COL28A1: variants seen among roughly 807,000 people sequenced by gnomAD.
COL28A1 encodes collagen type XXVIII alpha 1 chain.
A neutral mutation model predicts 150.2 loss-of-function variants in COL28A1; 161 were observed. The ratio of observed to expected loss-of-function variants is 1.07; its 90% CI spans 0.94 to 1.22. COL28A1 has a LOEUF of 1.22. Ranked by LOEUF, COL28A1 falls within the 50% of genes most tolerant of loss-of-function variation. The pLI, the probability that COL28A1 is intolerant of heterozygous loss-of-function variation, is 0.00. For missense variants in COL28A1, 1,617 were observed against 1,388.3 expected (o/e 1.16, Z -2.62); for synonymous variants, 552 against 469.7 (o/e 1.18, Z -2.26).
chr7:7,404,940 G>A (rs945248263), intron 27 of COL28A1, among the ~76,000 whole-genome samples: 1 of 152,084 alleles, frequency 6.6e-6, no homozygotes, highest in Non-Finnish European at 1.5e-5. Flanking sequence ...CATGAGTGCA[G>A]TGGCATGATC....
chr7:7,464,256 A>G (rs546011543), intron 15 of COL28A1, among the ~76,000 whole-genome samples: 1 of 152,314 alleles, frequency 6.6e-6, no homozygotes, highest in Non-Finnish European at 1.5e-5. Context: ...CAGGTCATCG[A>G]GACAGAACGT....
At chr7:7,536,788 C>T (rs916917286), upstream of COL28A1, among the ~76,000 whole-genome samples, 11 of 152,168 alleles carry the variant, frequency 7.2e-5, no homozygotes, top group Middle Eastern at 6.3e-3. Flanking sequence ...GCAATAATAG[C>T]CTCCAATTCA....
At chr7:7,510,367 G>A (rs185843793) in intron 9 of COL28A1, among the ~76,000 whole-genome samples, 12 of 152,108 alleles carry the variant, frequency 7.9e-5, no homozygotes, top group African/African-American at 2.9e-4. Flanking sequence ...TCACTGCAAC[G>A]TCTGCCTCCT....
intron 27 of COL28A1, among the ~76,000 whole-genome samples, chr7:7,394,030 AGTATT>A (rs1325310721): frequency 6.6e-6 from 1 of 151,552 alleles, no homozygotes; most frequent in Non-Finnish European, 1.5e-5. Context: ...ACAGCCTCCC[AGTATT>A]GTGCTTGAAA....
downstream of COL28A1, among the ~76,000 whole-genome samples, chr7:7,351,462 A>T (rs1427069806): frequency 1.3e-5 from 2 of 152,098 alleles, no homozygotes; most frequent in Non-Finnish European, 2.9e-5. Flanking sequence ...AACCCCAAGA[A>T]TGCCCAGTTG....
At chr7:7,397,961 T>G (rs1399409707) in intron 27 of COL28A1, among the ~76,000 whole-genome samples, 1 of 152,214 alleles carries the variant, frequency 6.6e-6, no homozygotes, top group African/African-American at 2.4e-5. Flanking sequence ...TGCATTTGCC[T>G]CAGAGTGTTC....
At chr7:7,538,740 C>T (rs1248283752), upstream of COL28A1, among the ~76,000 whole-genome samples, 2 of 151,360 alleles carry the variant, frequency 1.3e-5, no homozygotes, top group East Asian at 1.9e-4. Flanking sequence ...GAAATACACA[C>T]AAAAAAAGGC....
intron 25 of COL28A1, among the ~76,000 whole-genome samples, chr7:7,421,018 T>C (rs1784369142): frequency 6.6e-6 from 1 of 152,192 alleles, no homozygotes. Flanking sequence ...AAAATGTATG[T>C]CCACTTAGAG....
chr7:7,502,194 C>G (rs989972257), intron 11 of COL28A1, among the ~76,000 whole-genome samples: 2 of 152,200 alleles, frequency 1.3e-5, no homozygotes, highest in Non-Finnish European at 2.9e-5. Context: ...GCCACTGCGC[C>G]TGGCTGAGAT....
At chr7:7,413,889 C>G (rs1783923199) in intron 27 of COL28A1, among the ~76,000 whole-genome samples, 1 of 152,136 alleles carries the variant, frequency 6.6e-6, no homozygotes, top group South Asian at 2.1e-4. Flanking sequence ...TATAGTAGAG[C>G]CAGTCCACAA....
At chr7:7,463,862 T>C (rs930465318) in intron 15 of COL28A1, among the ~76,000 whole-genome samples, 14 of 152,108 alleles carry the variant, frequency 9.2e-5, no homozygotes, top group Non-Finnish European at 1.9e-4. Context: ...TTAAAATACA[T>C]AGAATTGCAG....
chr7:7,515,828 A>G lies in COL28A1; in HGVS notation c.868T>C (p.Tyr290His), dbSNP rs765394843. 13 of 1,061,962 alleles carry G rather than the reference A, an allele frequency of 1.2e-5. No homozygotes were observed. Among genetic ancestry groups the G allele is most frequent in the Non-Finnish European group, 1.8e-5 (12 of 678,898 alleles). The allele number at this position is 1,061,962 out of a possible 1,614,324, so 65.8% of individuals were successfully genotyped here. ...TACCAACTTACCTTGTCACCCTTGTACCCAGGAATTCCCTAATTTAAAAAG... is the reference window on the plus strand; with the variant it reads ...TACCAACTTACCTTGTCACCCTTGTGCCCAGGAATTCCCTAATTTAAAAAG... ...GERGPGGIPG[Y>H]KGDKGERGEC... The change falls in exon 8 of 35, where the codon TAC becomes CAC. Residue 290 changes from tyrosine (Y) to histidine (H), a missense_variant. Physicochemically the swap from Tyr to His is moderately conservative, Grantham distance 83 (BLOSUM62 2). Transcript: ENST00000399429.
chr7:7,505,568 G>C (rs887493601), intron 11 of COL28A1, among the ~76,000 whole-genome samples: 3 of 152,122 alleles, frequency 2.0e-5, no homozygotes, highest in Admixed American at 6.5e-5. Context: ...TGATGGTTGA[G>C]ATTTCCCTGT....
chr7:7,488,975 G>T (rs1281964415), intron 13 of COL28A1, among the ~76,000 whole-genome samples: 2 of 152,114 alleles, frequency 1.3e-5, no homozygotes, highest in African/African-American at 2.4e-5. Flanking sequence ...ACGTGGATCT[G>T]GTTCTCGCAT....
At chr7:7,454,889 T>C (rs952351913) in intron 16 of COL28A1, among the ~76,000 whole-genome samples, 1 of 152,250 alleles carries the variant, frequency 6.6e-6, no homozygotes, top group African/African-American at 2.4e-5. Context: ...AATATTTATT[T>C]ATACATTTAT....
intron 22 of COL28A1, 133 bp downstream of exon 22, chr7:7,437,261 A>C: frequency 7.3e-7 from 1 of 1,373,684 alleles, no homozygotes; most frequent in Non-Finnish European, 9.5e-7. Flanking sequence ...CTTATCTGTG[A>C]AGTTTCAGAG....
intron 13 of COL28A1, among the ~76,000 whole-genome samples, chr7:7,484,518 C>G (rs1012627210): frequency 6.6e-6 from 1 of 151,810 alleles, no homozygotes; most frequent in Non-Finnish European, 1.5e-5. Context: ...TAAAACTATA[C>G]AAATACTGAC....
chr7:7,358,481 T>C lies in COL28A1; in HGVS notation c.*152A>G, dbSNP rs1011063311. On this transcript the variant is annotated 3_prime_UTR_variant, in exon 35 of 35. Transcript: ENST00000399429. Reference sequence around the variant, plus strand: ...TTACCTATATAAGTGGTTAATAATATGTACATCCTAGGGCTGTAGTGAGAA... The same window carrying C: ...TTACCTATATAAGTGGTTAATAATACGTACATCCTAGGGCTGTAGTGAGAA... The C allele has an allele frequency of 8.6e-5, 58 of 670,668 alleles. No individual in the cohort carries two copies. Among genetic ancestry groups the C allele is most frequent in the Admixed American group, 9.2e-5 (3 of 32,618 alleles). 41.5% of individuals were successfully genotyped at this position (670,668 alleles called of 1,614,324 possible).
At chr7:7,437,252 T>C (rs1328822844) in intron 22 of COL28A1, 142 bp downstream of exon 22, 5 of 1,348,840 alleles carry the variant, frequency 3.7e-6, no homozygotes, top group Non-Finnish European at 4.8e-6. Flanking sequence ...TGTAGTTTGC[T>C]TATCTGTGAA....
Sources: gnomAD v4.1 joint callset for allele counts (sites outside exome capture counted in the v4.1 genomes callset) on GRCh38, gnomAD v4.1.1 for gene constraint, MANE v1.5 for transcripts, NCBI Gene and HGNC (gene_info 2026-07-23, HGNC 2026-07-21) for gene names.